CUL4A: variants seen among roughly 807,000 people sequenced by gnomAD.
The protein encoded by CUL4A is cullin 4A.
Under a neutral mutation model 95.5 loss-of-function variants are expected in CUL4A, and 16 were observed. The observed-to-expected ratio is 0.17, with a 90% CI of 0.11 to 0.25. CUL4A has a LOEUF of 0.25. CUL4A is among the 10% of genes least tolerant of loss of function. CUL4A has a pLI of 1.00. For synonymous variants in CUL4A, 380 were observed against 353.1 expected (o/e 1.08, Z -0.85); for missense variants, 610 against 937.0 (o/e 0.65, Z 4.56).
In CUL4A at chr13:113,263,614, A is replaced by G; in HGVS notation, c.*32A>G. ...TGCAGACGGTTCCCCTTCATGAAACACTAGAATGTACCCTCAGAGCAGGAA... is the reference window on the plus strand; with the variant it reads ...TGCAGACGGTTCCCCTTCATGAAACGCTAGAATGTACCCTCAGAGCAGGAA... On this transcript the variant is annotated 3_prime_UTR_variant, in exon 20 of 20. Coordinates refer to ENST00000375440, the MANE Select transcript of CUL4A (RefSeq NM_001008895.4). 7.5e-7 allele frequency: 1 copy of G among 1,328,602 alleles called. No individual in the cohort carries two copies. Among genetic ancestry groups the G allele is most frequent in the African/African-American group, 1.5e-5 (1 of 67,938 alleles). 82.3% of individuals were successfully genotyped at this position (1,328,602 alleles called of 1,614,324 possible).
At chr13:113,224,232 A>AGT (rs1203206224) in intron 3 of CUL4A, among the ~76,000 whole-genome samples, 1 of 152,170 alleles carries the variant, frequency 6.6e-6, no homozygotes, top group East Asian at 1.9e-4. Flanking sequence ...GGGCACCTGT[A>AGT]GTCCCAGCTA....
rs1237601369 is a variant in CUL4A, at chr13:113,260,592, T to C, written c.2032-15T>C. 1.3e-6 allele frequency: 2 copies of C among 1,585,312 alleles called. No homozygotes were observed. The highest frequency in any genetic ancestry group is 1.7e-6 in the Non-Finnish European group (2 of 1,172,504). On this transcript the variant is annotated splice_polypyrimidine_tract_variant and intron_variant, in intron 18 of 19. Transcript: ENST00000375440. ...TACAGTTTTACACTTAACTTTTTTTTTCTTTTTTATACAGGTTGAGGAACA... is the reference window on the plus strand; with the variant it reads ...TACAGTTTTACACTTAACTTTTTTTCTCTTTTTTATACAGGTTGAGGAACA...
intron 2 of CUL4A, among the ~76,000 whole-genome samples, chr13:113,214,438 G>A (rs1028070423): frequency 6.6e-6 from 1 of 152,120 alleles, no homozygotes; most frequent in Non-Finnish European, 1.5e-5. Flanking sequence ...TTTCTAGAAA[G>A]GTTTCAGAGA....
chr13:113,262,587 T>C (rs1439841690), intron 19 of CUL4A, among the ~76,000 whole-genome samples: 9 of 152,176 alleles, frequency 5.9e-5, no homozygotes, highest in Admixed American at 5.2e-4. Flanking sequence ...AGGTGGAGGC[T>C]GCAGTGAGCT....
chr13:113,257,693 A>G (rs1464345793), intron 18 of CUL4A, among the ~76,000 whole-genome samples: 1 of 151,782 alleles, frequency 6.6e-6, no homozygotes, highest in Non-Finnish European at 1.5e-5. Flanking sequence ...TTTCAGCATG[A>G]GATTTTGAGG....
intron 3 of CUL4A, among the ~76,000 whole-genome samples, chr13:113,226,823 C>A (rs2041121590): frequency 2.0e-5 from 3 of 152,138 alleles, no homozygotes; most frequent in Non-Finnish European, 4.4e-5. Context: ...GTGTTCAAGA[C>A]CAGCCTAGGA....
intron 18 of CUL4A, among the ~76,000 whole-genome samples, chr13:113,257,203 G>A (rs2042152513): frequency 6.6e-6 from 1 of 152,004 alleles, no homozygotes. Flanking sequence ...GAGATTACAG[G>A]CGTGAGCCAC....
chr13:113,233,157 G>C lies in CUL4A; in HGVS notation c.513-20G>C. On this transcript the variant is annotated intron_variant, in intron 5 of 19. Transcript: ENST00000375440. The stretch of plus-strand genomic sequence containing the variant: ...AAAAGCGAAACTAAAATGTAGTCCT[G>C]TTTCTTACTGTCTATACAGGGATAT... 1 of 1,604,704 alleles carries C rather than the reference G, an allele frequency of 6.2e-7. No homozygotes were observed. The highest frequency in any genetic ancestry group is 1.1e-5 in the South Asian group (1 of 90,018).
rs2042358247 is a variant in CUL4A, at chr13:113,264,166, T to C, written c.*584T>C. On this transcript the variant is annotated 3_prime_UTR_variant, in exon 20 of 20. Transcript: ENST00000375440. ...TCCAAAAGTTGTAAACTTTGATGGC[T>C]GATTTTTCGTAAGTCAGGTTTCTAA... 6.6e-6 allele frequency: 1 copy of C among 152,220 alleles called. No homozygotes were observed. Among genetic ancestry groups the C allele is most frequent in the Admixed American group, 6.5e-5 (1 of 15,272 alleles). The allele number at this position is 152,220 out of a possible 1,614,324, so 9.4% of individuals were successfully genotyped here.
rs1041150991 is a variant in CUL4A at position 113,225,037 on chromosome 13, CT to C, written c.369-2928del. Among the ~76,000 whole-genome samples, 89 of 147,702 alleles carry C rather than the reference CT, an allele frequency of 6.0e-4. 1 individual carries two copies. Among genetic ancestry groups the C allele is most frequent in the South Asian group, 3.2e-3 (15 of 4,700 alleles). ...CAGAAGCACCGTCTTTTTGCTTTTT[CT>C]TTTTTTTTTTAGTTACAGATATGAT... On this transcript the variant is annotated intron_variant, in intron 3 of 19. Transcript: ENST00000375440.
intron 4 of CUL4A, 144 bp from the exon 5 acceptor site, chr13:113,229,302 G>C: frequency 1.6e-6 from 1 of 613,252 alleles, no homozygotes; most frequent in Non-Finnish European, 2.8e-6. Flanking sequence ...ATTAACTTTA[G>C]AAAAAAAAAA....
chr13:113,209,048 G>A (rs996415113), upstream of CUL4A: 4 of 315,448 alleles, frequency 1.3e-5, no homozygotes, highest in Non-Finnish European at 1.8e-5. Flanking sequence ...AGGAGGGGGA[G>A]GGGGAGGGAC....
intron 2 of CUL4A, among the ~76,000 whole-genome samples, chr13:113,210,979 G>C (rs2040412986): frequency 6.6e-6 from 1 of 152,202 alleles, no homozygotes; most frequent in Non-Finnish European, 1.5e-5. Flanking sequence ...CTTTGAGATA[G>C]AGTCTACATA....
Position 113,218,971 on chromosome 13 carries a change from A to T in CUL4A, c.291A>T (p.Lys97Asn), listed in dbSNP as rs978202220. The change falls in exon 3 of 20, where the codon AAA becomes AAT. Residue 97 changes from lysine (K) to asparagine (N), a missense_variant. Transcript: ENST00000375440. ...YQAVENLCSH[K>N]VSPMLYKQLR... ...CTGTGGAAAATCTCTGTTCTCACAA[A>T]GTCTCCCCAATGCTCTACAAGCAAC... 2.5e-6 allele frequency: 4 copies of T among 1,613,220 alleles called. No individual in the cohort carries two copies. The highest frequency in any genetic ancestry group is 3.4e-6 in the Non-Finnish European group (4 of 1,179,802).
At chr13:113,258,249 C>A (rs1054923548) in intron 18 of CUL4A, among the ~76,000 whole-genome samples, 7 of 152,280 alleles carry the variant, frequency 4.6e-5, no homozygotes, top group African/African-American at 1.2e-4. Flanking sequence ...CCTTGACCCC[C>A]CAAAGTGCTG....
intron 5 of CUL4A, among the ~76,000 whole-genome samples, chr13:113,232,050 C>CCCACCACCATTACTGTCACCACTACCT (rs2041339925): frequency 7.1e-5 from 6 of 84,698 alleles, no homozygotes; most frequent in African/African-American, 2.6e-4. Context: ...CACCACTACC[C>CCCACCACCATTACTGTCACCACTACCT]GCCCACCACC....
At chr13:113,225,485 T>G (rs2041067034) in intron 3 of CUL4A, among the ~76,000 whole-genome samples, 1 of 152,264 alleles carries the variant, frequency 6.6e-6, no homozygotes, top group African/African-American at 2.4e-5. Context: ...TCTCATTTAA[T>G]GAACACTTTA....
At position 113,234,020 on chromosome 13, in the gene CUL4A, T is replaced by A. The variant is rs761945861; in HGVS notation, c.765+34T>A. On this transcript the variant is annotated intron_variant, in intron 7 of 19. Coordinates refer to ENST00000375440, the MANE Select transcript of CUL4A (RefSeq NM_001008895.4). ...ATGGGATGTTTCCGAATCCCCTGGC[T>A]TCGTTTCTGCAGATGAGCACCTAGG... 8.5e-6 allele frequency: 12 copies of A among 1,413,734 alleles called. No homozygotes were observed. The Admixed American group carries it at 2.2e-4, about 25-fold the overall frequency. 87.6% of individuals were successfully genotyped at this position (1,413,734 alleles called of 1,614,324 possible).
intron 2 of CUL4A, among the ~76,000 whole-genome samples, chr13:113,215,099 G>T (rs149440031): frequency 6.6e-6 from 1 of 150,676 alleles, no homozygotes. Context: ...GTCCCGTGTG[G>T]CTGTGGAGGT....
Sources: allele counts gnomAD v4.1 joint callset (sites outside exome capture counted in the v4.1 genomes callset), GRCh38; gene constraint gnomAD v4.1.1; transcripts MANE v1.5; gene names NCBI Gene and HGNC (gene_info 2026-07-23, HGNC 2026-07-21).